NRG1: variants seen among roughly 807,000 people sequenced by gnomAD.
The protein encoded by NRG1 is pro-neuregulin-1, membrane-bound isoform.
In NRG1, 18 loss-of-function variants were observed where a neutral mutation model predicts 63.8. The observed-to-expected ratio is 0.28, with a 90% CI of 0.19 to 0.42. The LOEUF (loss-of-function observed/expected upper bound fraction) is 0.42. NRG1 is among the 10% of genes least tolerant of loss of function. The pLI, the probability that NRG1 is intolerant of heterozygous loss-of-function variation, is 1.00. For synonymous variants in NRG1, 302 were observed against 301.3 expected, an observed-to-expected ratio of 1.00 and a Z score of -0.02; for missense variants, 762 against 814.7, an observed-to-expected ratio of 0.94 and a Z score of 0.79.
intron 1 of NRG1, among the ~76,000 whole-genome samples, chr8:32,530,744 C>T (rs193193886): frequency 1.0e-3 from 156 of 151,932 alleles, no homozygotes; most frequent in Non-Finnish European, 1.7e-3. Flanking sequence ...TCTTATATTC[C>T]AAGGACAAAC....
At chr8:31,876,639 C>A (rs932686569) in intron 1 of NRG1, among the ~76,000 whole-genome samples, 1 of 152,046 alleles carries the variant, frequency 6.6e-6, no homozygotes, top group African/African-American at 2.4e-5. Context: ...AATATTCAAG[C>A]AGTAGAAATT....
intron 1 of NRG1, among the ~76,000 whole-genome samples, chr8:32,301,913 G>A (rs563359536): frequency 6.6e-6 from 1 of 152,252 alleles, no homozygotes; most frequent in African/African-American, 2.4e-5. Flanking sequence ...AAACAGAGGG[G>A]AAAAGTATAA....
chr8:32,647,914 G>T, intron 5 of NRG1: 1 of 1,614,080 alleles, frequency 6.2e-7, no homozygotes, highest in Non-Finnish European at 8.5e-7. Flanking sequence ...GAAGCTGAGC[G>T]CCTGAGAGGT....
At chr8:32,512,983 T>C (rs1465284107) in intron 1 of NRG1, among the ~76,000 whole-genome samples, 1 of 152,108 alleles carries the variant, frequency 6.6e-6, no homozygotes, top group Non-Finnish European at 1.5e-5. Flanking sequence ...TGTTTTAGTT[T>C]TAAGAATATC....
At chr8:32,210,451 G>A (rs1208235011) in intron 1 of NRG1, among the ~76,000 whole-genome samples, 4 of 152,104 alleles carry the variant, frequency 2.6e-5, no homozygotes, top group South Asian at 2.1e-4. Context: ...CAGACCTCCC[G>A]AAAGGGTCTT....
downstream of NRG1, among the ~76,000 whole-genome samples, chr8:32,770,026 G>A (rs141092576): frequency 6.3e-3 from 963 of 152,234 alleles, 7 homozygotes; most frequent in African/African-American, 0.022. Context: ...GACAGAGAAT[G>A]GGATAATAGT....
At position 32,186,915 on chromosome 8, in the gene NRG1, C is replaced by G. The variant is rs1364790212; in HGVS notation, c.38-408913C>G. Among the ~76,000 whole-genome samples the G allele has an allele frequency of 3.9e-5, 6 of 152,324 alleles. No homozygotes were observed. The East Asian group carries it at 1.2e-3, about 29-fold the overall frequency. ...ATTTCTGTGCCTGGTCTTTACCACA[C>G]ACAGGTCCAAAGATGCCCAGGAAAG... On this transcript the variant is annotated intron_variant, in intron 1 of 10. Coordinates refer to the NRG1 transcript ENST00000519301.
chr8:32,130,986 T>C (rs78283608), intron 1 of NRG1, among the ~76,000 whole-genome samples: 2,020 of 152,088 alleles, frequency 0.013, 27 homozygotes, highest in South Asian at 0.058. Flanking sequence ...GGCACACATG[T>C]ATGTAGAAGC....
At chr8:32,581,408 C>A (rs1408411068) in intron 1 of NRG1, among the ~76,000 whole-genome samples, 2 of 152,086 alleles carry the variant, frequency 1.3e-5, no homozygotes, top group African/African-American at 4.8e-5. Flanking sequence ...TTACATAAAT[C>A]CTGTGCATTA....
chr8:31,713,510 G>T (rs1196400865), intron 1 of NRG1, among the ~76,000 whole-genome samples: 1 of 151,960 alleles, frequency 6.6e-6, no homozygotes, highest in Non-Finnish European at 1.5e-5. Context: ...ATTTTTGTTG[G>T]TATTTTCTGA....
At chr8:32,735,314 G>A (rs1824737406) in intron 6 of NRG1, among the ~76,000 whole-genome samples, 1 of 151,958 alleles carries the variant, frequency 6.6e-6, no homozygotes, top group Non-Finnish European at 1.5e-5. Context: ...TGTGAATAGT[G>A]GATGAATATT....
chr8:32,772,278 C>T (rs577475663), downstream of NRG1, among the ~76,000 whole-genome samples: 80 of 151,334 alleles, frequency 5.3e-4, no homozygotes, highest in African/African-American at 1.6e-3. Flanking sequence ...TAATAATTTA[C>T]GGATTTAGCC....
chr8:32,420,661 T>A (rs550221739), intron 1 of NRG1, among the ~76,000 whole-genome samples: 27 of 152,294 alleles, frequency 1.8e-4, no homozygotes, highest in African/African-American at 5.1e-4. Context: ...TACAACATTT[T>A]TGCTCTCATA....
rs375066757 is a variant in NRG1 at position 32,756,396 on chromosome 8, T to C, written c.795-7T>C. On this transcript the variant is annotated splice_polypyrimidine_tract_variant and splice_region_variant and intron_variant, in intron 8 of 11. Transcript: ENST00000356819. Reference sequence around the variant, plus strand: ...AAAAAAATAAATGCTCCCTTTCTTATGTCCAGGAAACAGCGGAAAAAGCTG... The same window carrying C: ...AAAAAAATAAATGCTCCCTTTCTTACGTCCAGGAAACAGCGGAAAAAGCTG... 1.0e-5 allele frequency: 16 copies of C among 1,601,630 alleles called. No individual in the cohort carries two copies. Among genetic ancestry groups the C allele is most frequent in the Non-Finnish European group, 1.4e-5 (16 of 1,176,566 alleles).
Position 32,071,694 on chromosome 8 carries a change from G to A in NRG1, c.37+432263G>A, listed in dbSNP as rs376084668. On this transcript the variant is annotated intron_variant, in intron 1 of 10. Coordinates refer to the NRG1 transcript ENST00000519301. The stretch of plus-strand genomic sequence containing the variant: ...TAACTATTTTTGAAAACTACCTGCA[G>A]TGAGAAAGAATTCTCAAGCAGGTGC... Among the ~76,000 whole-genome samples, 2 of 152,160 alleles carry A rather than the reference G, an allele frequency of 1.3e-5. 1 individual carries two copies. The highest frequency in any genetic ancestry group is 2.9e-5 in the Non-Finnish European group (2 of 68,010).
At chr8:31,707,903 T>A (rs539644891) in intron 1 of NRG1, among the ~76,000 whole-genome samples, 2 of 152,350 alleles carry the variant, frequency 1.3e-5, no homozygotes, top group Admixed American at 1.3e-4. Flanking sequence ...TAGATTTAAT[T>A]TGGTTGTAAC....
chr8:32,470,061 C>A (rs1418421345), intron 1 of NRG1, among the ~76,000 whole-genome samples: 1 of 135,328 alleles, frequency 7.4e-6, no homozygotes, highest in Middle Eastern at 4.9e-3. Context: ...GTAGTAGAGA[C>A]GGGGTTTCAC....
At position 32,152,891 on chromosome 8, in the gene NRG1, A is replaced by G. The variant is rs535998890; in HGVS notation, c.38-442937A>G. 6.6e-5 allele frequency among the ~76,000 whole-genome samples: 10 copies of G among 152,332 alleles called. No individual in the cohort carries two copies. The East Asian group carries it at 1.7e-3, about 26-fold the overall frequency. ...ACACAAAAATAGGCATGCATTTTTA[A>G]GAGGAGTAGAAACCCATTTGAACTT... On this transcript the variant is annotated intron_variant, in intron 1 of 10. Transcript: ENST00000519301.
intron 1 of NRG1, among the ~76,000 whole-genome samples, chr8:32,069,934 A>G (rs1439933806): frequency 2.0e-5 from 3 of 152,144 alleles, no homozygotes; most frequent in South Asian, 2.1e-4. Flanking sequence ...AGGATGCAGA[A>G]ATAGGAATGT....
Sources: allele counts gnomAD v4.1 joint callset (sites outside exome capture counted in the v4.1 genomes callset), GRCh38; gene constraint gnomAD v4.1.1; transcripts MANE v1.5; gene names NCBI Gene and HGNC (gene_info 2026-07-23, HGNC 2026-07-21).